ATF3: variants seen among roughly 807,000 people sequenced by gnomAD.
ATF3 encodes the protein activating transcription factor 3, also known as cyclic AMP-dependent transcription factor ATF-3.
In ATF3, 10 loss-of-function variants were observed where a neutral mutation model predicts 18.4. That is an observed-to-expected ratio of 0.54 (90% CI 0.34 to 0.92). ATF3 has a LOEUF of 0.92. Ranked by LOEUF, ATF3 falls within the 40% of genes least tolerant of loss-of-function variation. The pLI, the probability that ATF3 is intolerant of heterozygous loss-of-function variation, is 0.02. For synonymous variants in ATF3, 78 were observed against 87.9 expected (o/e 0.89, Z 0.63); for missense variants, 183 against 222.3 (o/e 0.82, Z 1.12).
intron 1 of ATF3, among the ~76,000 whole-genome samples, chr1:212,595,007 T>C (rs779858765): frequency 6.6e-5 from 10 of 152,204 alleles, no homozygotes; most frequent in Non-Finnish European, 1.3e-4. Context: ...ATTGCAGGGT[T>C]GTCAATTATT....
chr1:212,571,531 C>T (rs769654594), intron 1 of ATF3, among the ~76,000 whole-genome samples: 2 of 151,664 alleles, frequency 1.3e-5, no homozygotes, highest in Non-Finnish European at 2.9e-5. Flanking sequence ...CTTCAGCCTC[C>T]TGAGTAGCTG....
rs1432446507 is a variant in ATF3, at chr1:212,618,996, T to A, written c.349-362T>A. 6.2e-7 allele frequency: 1 copy of A among 1,611,130 alleles called. No homozygotes were observed. Among genetic ancestry groups the A allele is most frequent in the African/African-American group, 1.3e-5 (1 of 74,862 alleles). ...TGGGGAGATGAGCTTCTCATTGAGA[T>A]CTGTGACTCAGAATCGACTAAGCCA... On this transcript the variant is annotated intron_variant, in intron 3 of 3. Transcript: ENST00000341491. The surrounding 1 kb of genome is among the most constrained non-coding windows in gnomAD (Gnocchi z 4.4).
chr1:212,616,061 C>T (rs1390350619), intron 2 of ATF3, among the ~76,000 whole-genome samples: 3 of 151,704 alleles, frequency 2.0e-5, no homozygotes, highest in Non-Finnish European at 4.4e-5. Flanking sequence ...GAAGAAGCCA[C>T]GTGGGTATCT....
intron 2 of ATF3, among the ~76,000 whole-genome samples, chr1:212,616,748 A>G (rs1175055595): frequency 6.6e-6 from 1 of 152,144 alleles, no homozygotes; most frequent in East Asian, 1.9e-4. Context: ...GCAGGTGCTG[A>G]GAAGTGGTTG....
At chr1:212,605,352 A>C (rs1654592550), upstream of ATF3, among the ~76,000 whole-genome samples, 1 of 152,222 alleles carries the variant, frequency 6.6e-6, no homozygotes, top group Non-Finnish European at 1.5e-5. Context: ...CCCCACATTC[A>C]AACTGACTTT....
chr1:212,619,023 C>G lies in ATF3; in HGVS notation c.349-335C>G, dbSNP rs893599892. 26 of 1,613,946 alleles carry G rather than the reference C, an allele frequency of 1.6e-5. No homozygotes were observed. Among genetic ancestry groups the G allele is most frequent in the Non-Finnish European group, 2.0e-5 (24 of 1,179,986 alleles). ...TGTGACTCAGAATCGACTAAGCCAC[C>G]ATAAGTCTGGATTTCTCCCCAGCTC... On this transcript the variant is annotated intron_variant, in intron 3 of 3. Transcript: ENST00000341491. The surrounding 1 kb of genome is among the most constrained non-coding windows in gnomAD (Gnocchi z 4.4).
At chr1:212,605,005 C>T (rs1279981339), upstream of ATF3, among the ~76,000 whole-genome samples, 1 of 152,148 alleles carries the variant, frequency 6.6e-6, no homozygotes, top group Non-Finnish European at 1.5e-5. Context: ...GATCGCTTGA[C>T]TTCATCCACT....
rs3125289 is a variant in ATF3 at position 212,574,805 on chromosome 1, T to G, written c.-5+9322T>G. 5.0e-3 allele frequency among the ~76,000 whole-genome samples: 762 copies of G among 152,000 alleles called. 10 individuals are homozygous for G. The highest frequency in any genetic ancestry group is 0.018 in the African/African-American group (730 of 41,502). On this transcript the variant is annotated intron_variant, in intron 1 of 3. Coordinates refer to the ATF3 transcript ENST00000366981. ...ATTTCAGTCATGTACAGAGCTTCCT[T>G]GTGTATATAGGTTATTTATGGGCTT...
chr1:212,590,304 T>G (rs1194525428), intron 1 of ATF3, among the ~76,000 whole-genome samples: 7 of 152,088 alleles, frequency 4.6e-5, no homozygotes, highest in Non-Finnish European at 8.8e-5. Context: ...TACTTAGGAT[T>G]TTGGTCTTGG....
chr1:212,576,749 G>A (rs529472993), intron 1 of ATF3, among the ~76,000 whole-genome samples: 533 of 41,920 alleles, frequency 0.013, 5 homozygotes, highest in African/African-American at 0.035. Context: ...TTTTTTTGAG[G>A]CAGAGTCTCG....
At chr1:212,587,297 T>C (rs1348810126) in intron 1 of ATF3, among the ~76,000 whole-genome samples, 1 of 152,266 alleles carries the variant, frequency 6.6e-6, no homozygotes, top group Non-Finnish European at 1.5e-5. Context: ...TATTTGTACC[T>C]ATGAGTTTTT....
At chr1:212,612,300 G>A (rs1470204100) in intron 1 of ATF3, among the ~76,000 whole-genome samples, 2 of 152,134 alleles carry the variant, frequency 1.3e-5, no homozygotes, top group Non-Finnish European at 1.5e-5. Flanking sequence ...GAAGGGTAGG[G>A]GGCGGGAGTC....
chr1:212,576,703 A>ATACTT (rs1664582770), intron 1 of ATF3, among the ~76,000 whole-genome samples: 1 of 108,266 alleles, frequency 9.2e-6, no homozygotes, highest in African/African-American at 3.8e-5. Context: ...ATTAAAAAAT[A>ATACTT]TTCTTTTCTT....
chr1:212,613,169 G>C (rs1654966970), intron 1 of ATF3, among the ~76,000 whole-genome samples: 3 of 152,144 alleles, frequency 2.0e-5, no homozygotes, highest in Admixed American at 2.0e-4. Flanking sequence ...TTAGCAAGCA[G>C]CCTGGGTATG....
intron 1 of ATF3, among the ~76,000 whole-genome samples, chr1:212,611,044 G>T (rs1386754978): frequency 6.6e-6 from 1 of 152,188 alleles, no homozygotes; most frequent in Non-Finnish European, 1.5e-5. Context: ...AAATTGGCTG[G>T]GCATGGGACA....
chr1:212,598,333 T>G (rs1161879351), intron 1 of ATF3, among the ~76,000 whole-genome samples: 1 of 152,234 alleles, frequency 6.6e-6, no homozygotes, highest in Non-Finnish European at 1.5e-5. Context: ...TATTTTTAAC[T>G]TTTATGGGTA....
chr1:212,600,774 C>A (rs369457311), intron 1 of ATF3, among the ~76,000 whole-genome samples: 1 of 152,200 alleles, frequency 6.6e-6, no homozygotes, highest in Non-Finnish European at 1.5e-5. Flanking sequence ...GGGCTGTGAG[C>A]ACCTGGAAGG....
At chr1:212,585,819 A>T (rs956533171) in intron 1 of ATF3, among the ~76,000 whole-genome samples, 9 of 151,722 alleles carry the variant, frequency 5.9e-5, no homozygotes, top group African/African-American at 2.2e-4. Context: ...TATGCATGTA[A>T]TGAGGGTTAC....
chr1:212,591,489 C>T (rs1664883545), intron 1 of ATF3, among the ~76,000 whole-genome samples: 1 of 152,140 alleles, frequency 6.6e-6, no homozygotes, highest in Admixed American at 6.5e-5. Context: ...AATGTAAGTG[C>T]TCTTTAGACA....
Sources: gnomAD v4.1 joint callset for allele counts (sites outside exome capture counted in the v4.1 genomes callset) on GRCh38, gnomAD v4.1.1 for gene constraint, Gnocchi (gnomAD v3.1) non-coding constraint, MANE v1.5 for transcripts, NCBI Gene and HGNC (gene_info 2026-07-23, HGNC 2026-07-21) for gene names.